Variants in ATP9A observed in about 807,000 individuals in gnomAD.
The protein encoded by ATP9A is ATPase phospholipid transporting 9A.
Under a neutral mutation model 144.1 loss-of-function variants are expected in ATP9A, and 52 were observed. The ratio of observed to expected loss-of-function variants is 0.36; its 90% confidence interval spans 0.29 to 0.45. The LOEUF (loss-of-function observed/expected upper bound fraction) is 0.45, where lower values mean the gene tolerates loss of function less well. Ranked by LOEUF, ATP9A falls within the 20% of genes least tolerant of loss-of-function variation. The pLI is 1.00. For missense variants in ATP9A, 947 were observed against 1,392.7 expected (o/e 0.68, Z 5.09); for synonymous variants, 582 against 557.4 (o/e 1.04, Z -0.62).
intron 3 of ATP9A, among the ~76,000 whole-genome samples, chr20:51,715,516 G>GGAACAAC (rs1313297265): frequency 2.6e-5 from 4 of 152,278 alleles, no homozygotes; most frequent in African/African-American, 9.6e-5. Context: ...GCGTGGGCCT[G>GGAACAAC]GCTAAATCCC....
intron 9 of ATP9A, among the ~76,000 whole-genome samples, chr20:51,677,488 G>A (rs796959868): frequency 1.1e-4 from 16 of 152,218 alleles, no homozygotes; most frequent in African/African-American, 2.9e-4. Flanking sequence ...GCTGGTCTAC[G>A]GGGCCCAGCG....
At chr20:51,604,136 C>A (rs1031012710) in intron 27 of ATP9A, among the ~76,000 whole-genome samples, 21 of 152,174 alleles carry the variant, frequency 1.4e-4, no homozygotes, top group African/African-American at 4.3e-4. Context: ...CCCCATTTTT[C>A]TTTCTTGGTA....
chr20:51,711,600 G>A (rs573566584), intron 4 of ATP9A, among the ~76,000 whole-genome samples: 2 of 152,202 alleles, frequency 1.3e-5, no homozygotes, highest in East Asian at 1.9e-4. Flanking sequence ...GGGGACAATC[G>A]AATAGACTTT....
At chr20:51,664,255 A>G (rs939021747) in intron 13 of ATP9A, among the ~76,000 whole-genome samples, 6 of 152,148 alleles carry the variant, frequency 3.9e-5, no homozygotes, top group African/African-American at 1.4e-4. Flanking sequence ...ACTGAACATT[A>G]CAAAACAAGA....
chr20:51,659,671 T>C (rs976065143), intron 13 of ATP9A, among the ~76,000 whole-genome samples: 1 of 152,212 alleles, frequency 6.6e-6, no homozygotes, highest in African/African-American at 2.4e-5. Context: ...GATCTGATCC[T>C]TTAAAATGAG....
chr20:51,696,574 G>C (rs531098832), intron 5 of ATP9A, among the ~76,000 whole-genome samples: 7 of 152,226 alleles, frequency 4.6e-5, no homozygotes, highest in East Asian at 3.9e-4. Context: ...AATAAGGAAG[G>C]AAAGTAGTAA....
chr20:51,698,846 C>T (rs1601112432), intron 4 of ATP9A, among the ~76,000 whole-genome samples: 2 of 152,276 alleles, frequency 1.3e-5, no homozygotes, highest in East Asian at 1.9e-4. Flanking sequence ...AAGCAGGGAA[C>T]AGCGAGAGAT....
At chr20:51,681,427 C>CTTT (rs66579534) in intron 9 of ATP9A, among the ~76,000 whole-genome samples, 31,629 of 131,046 alleles carry the variant, frequency 0.24, 4,795 homozygotes, top group African/African-American at 0.38. Flanking sequence ...TCCTAAATTT[C>CTTT]TTTTTTTTTT....
In ATP9A at chr20:51,754,641, C is replaced by T. The variant is rs139293256; in HGVS notation, c.68+13661G>A. ...CCAGCCTGGCCAACATGGCTAAACC[C>T]TGTGTCTACTAAAAATACAAAAAAA... On this transcript the variant is annotated intron_variant, in intron 1 of 27. Transcript: ENST00000338821. Among the ~76,000 whole-genome samples, 214 of 151,722 alleles carry T rather than the reference C, an allele frequency of 1.4e-3. 1 individual carries two copies. The highest frequency in any genetic ancestry group is 5.1e-3 in the African/African-American group (209 of 41,290).
chr20:51,727,707 G>A (rs1221202292), intron 2 of ATP9A, among the ~76,000 whole-genome samples: 2 of 152,118 alleles, frequency 1.3e-5, no homozygotes, highest in Non-Finnish European at 2.9e-5. Context: ...CGAGGCGGAT[G>A]AATCACGAGG....
At chr20:51,713,508 C>G (rs1228509926) in intron 3 of ATP9A, among the ~76,000 whole-genome samples, 1 of 152,160 alleles carries the variant, frequency 6.6e-6, no homozygotes, top group African/African-American at 2.4e-5. Context: ...AACTGAGATC[C>G]CCATGCAGAT....
At chr20:51,609,356 A>C (rs2077176316) in intron 24 of ATP9A, among the ~76,000 whole-genome samples, 1 of 152,164 alleles carries the variant, frequency 6.6e-6, no homozygotes. Flanking sequence ...CAGCCAACAC[A>C]GTAGGATGGA....
rs1366164311 is a variant in ATP9A at position 51,674,157 on chromosome 20, T to C, written c.1033A>G (p.Ile345Val). The C allele has an allele frequency of 2.5e-6, 4 of 1,613,364 alleles. No homozygotes were observed. Among genetic ancestry groups the C allele is most frequent in the African/African-American group, 2.7e-5 (2 of 74,758 alleles). Residue 345 changes from isoleucine (I) to valine (V), a missense_variant, in exon 11 of 28, where the codon ATT (isoleucine) becomes GTT (valine). By Grantham distance (29) the Ile-to-Val change is conservative (BLOSUM62 3). Coordinates refer to ENST00000338821, the MANE Select transcript of ATP9A (RefSeq NM_006045.3). The part of the protein sequence containing the change: ...FLLLFSNIIP[I>V]SLRVNLDMGK... ...TCAAGCTCGTCGCCTGCTTACCTAA[T>C]GGGGATGATGTTGGAAAACAAGAGG...
chr20:51,626,881 A>AC (rs1161215394), intron 17 of ATP9A, among the ~76,000 whole-genome samples: 11 of 151,944 alleles, frequency 7.2e-5, no homozygotes, highest in African/African-American at 2.4e-4. Context: ...ATATGGTGAA[A>AC]CCCCATCTCT....
At chr20:51,627,865 G>A (rs1278288737) in intron 16 of ATP9A, among the ~76,000 whole-genome samples, 182 bp from the exon 17 acceptor site, 1 of 152,290 alleles carries the variant, frequency 6.6e-6, no homozygotes, top group East Asian at 1.9e-4. Context: ...AAGTTGCAGA[G>A]AGGCAGCCGG....
chr20:51,720,843 A>G (rs2077685843), intron 3 of ATP9A, among the ~76,000 whole-genome samples: 1 of 152,172 alleles, frequency 6.6e-6, no homozygotes, highest in South Asian at 2.1e-4. Flanking sequence ...CACAAAAAAC[A>G]AAAACAAAAA....
intron 14 of ATP9A, among the ~76,000 whole-genome samples, chr20:51,644,267 CT>C (rs772071945): frequency 2.6e-3 from 198 of 76,004 alleles, no homozygotes; most frequent in African/African-American, 7.5e-3. Context: ...TTACTTCTAG[CT>C]TTTTTTTTTT....
At chr20:51,761,679 G>A (rs893704155) in intron 1 of ATP9A, among the ~76,000 whole-genome samples, 3 of 151,624 alleles carry the variant, frequency 2.0e-5, no homozygotes, top group South Asian at 2.1e-4. Flanking sequence ...AGAATGGCGC[G>A]AACCCGGAAG....
At chr20:51,650,031 G>C (rs1379983519) in intron 14 of ATP9A, among the ~76,000 whole-genome samples, 1 of 152,042 alleles carries the variant, frequency 6.6e-6, no homozygotes, top group Non-Finnish European at 1.5e-5. Flanking sequence ...TTCCATGAAA[G>C]TGAGTAGACA....
Sources: gnomAD v4.1 joint callset for allele counts (sites outside exome capture counted in the v4.1 genomes callset) on GRCh38, gnomAD v4.1.1 for gene constraint, MANE v1.5 for transcripts, NCBI Gene and HGNC (gene_info 2026-07-23, HGNC 2026-07-21) for gene names.